Variants in TRPM1 observed in about 807,000 individuals in gnomAD.
TRPM1 encodes the protein transient receptor potential cation channel subfamily M member 1.
Under a neutral mutation model 149.4 loss-of-function variants are expected in TRPM1, and 113 were observed. The observed-to-expected ratio is 0.76, with a 90% confidence interval of 0.65 to 0.88. TRPM1 has a LOEUF of 0.88. Among genes scored for constraint, TRPM1 ranks in the 40% least tolerant of loss-of-function variants. TRPM1 has a pLI of 0.00. For synonymous variants in TRPM1, 741 were observed against 759.5 expected (o/e 0.98, Z 0.40); for missense variants, 1,976 against 2,038.7 (o/e 0.97, Z 0.59).
chr15:31,035,876 G>GC (rs2033345485), intron 20 of TRPM1: 7 of 672,904 alleles, frequency 1.0e-5, no homozygotes, highest in Middle Eastern at 3.4e-4. Flanking sequence ...TTATACTTCA[G>GC]CACGATATGG....
chr15:31,068,932 T>C (rs1350916065), intron 4 of TRPM1, among the ~76,000 whole-genome samples: 1 of 152,112 alleles, frequency 6.6e-6, no homozygotes, highest in East Asian at 1.9e-4. Context: ...TTTCTGTTGT[T>C]TATAAATTCC....
intron 1 of TRPM1, among the ~76,000 whole-genome samples, chr15:31,101,018 G>A (rs1156922612): frequency 6.6e-6 from 1 of 152,218 alleles, no homozygotes; most frequent in Non-Finnish European, 1.5e-5. Flanking sequence ...AGAGGGAGCA[G>A]TAATCTCCCC....
intron 1 of TRPM1, among the ~76,000 whole-genome samples, chr15:31,090,933 T>C (rs1243192830): frequency 6.6e-6 from 1 of 152,204 alleles, no homozygotes; most frequent in Admixed American, 6.5e-5. Context: ...ATGAGGCTGA[T>C]TTCTCATGGT....
At chr15:31,103,019 G>A (rs146180061), upstream of TRPM1, among the ~76,000 whole-genome samples, 4 of 152,312 alleles carry the variant, frequency 2.6e-5, no homozygotes, top group South Asian at 2.1e-4. Context: ...AGGGCAATCC[G>A]GGGCATCTGA....
intron 1 of TRPM1, among the ~76,000 whole-genome samples, chr15:31,148,422 G>C (rs572648327): frequency 1.3e-5 from 2 of 152,320 alleles, no homozygotes; most frequent in Non-Finnish European, 2.9e-5. Context: ...GTGTAGGAGA[G>C]AACGCTCCAT....
intron 1 of TRPM1, among the ~76,000 whole-genome samples, chr15:31,109,886 A>G (rs892684813): frequency 1.3e-5 from 2 of 152,116 alleles, no homozygotes; most frequent in African/African-American, 2.4e-5. Flanking sequence ...ATGGGCAAAG[A>G]AAGAGGACAA....
At chr15:31,006,558 A>G (rs553337679) in intron 27 of TRPM1, among the ~76,000 whole-genome samples, 163 of 152,348 alleles carry the variant, frequency 1.1e-3, no homozygotes, top group African/African-American at 3.5e-3. Context: ...CAAGTATGAA[A>G]AGAGCTGCTA....
At chr15:31,106,485 A>C (rs2035608853), upstream of TRPM1, among the ~76,000 whole-genome samples, 1 of 152,164 alleles carries the variant, frequency 6.6e-6, no homozygotes, top group Non-Finnish European at 1.5e-5. Context: ...TTCACTTTTT[A>C]AGTATAAATA....
intron 1 of TRPM1, among the ~76,000 whole-genome samples, chr15:31,084,650 TTC>T (rs2034948396): frequency 6.6e-6 from 1 of 151,520 alleles, no homozygotes; most frequent in Non-Finnish European, 1.5e-5. Context: ...AAGACATTTT[TTC>T]TCTCTTTCTT....
chr15:31,058,721 G>A (rs1365292082), intron 11 of TRPM1, among the ~76,000 whole-genome samples: 2 of 152,216 alleles, frequency 1.3e-5, no homozygotes. Context: ...CAAAATGGGA[G>A]TCTGAAGCGG....
chr15:31,108,863 A>G (rs956741448), intron 1 of TRPM1, among the ~76,000 whole-genome samples: 1 of 152,182 alleles, frequency 6.6e-6, no homozygotes, highest in Admixed American at 6.5e-5. Context: ...AATGAAGTGG[A>G]AAGTATTTTT....
intron 1 of TRPM1, among the ~76,000 whole-genome samples, chr15:31,088,803 G>C (rs1421364327): frequency 7.7e-6 from 1 of 129,126 alleles, no homozygotes; most frequent in Non-Finnish European, 1.5e-5. Context: ...TCTTTCTGCT[G>C]GGGGGATGCG....
Position 31,081,453 on chromosome 15 carries a change from A to C in TRPM1, c.-83-15T>G. 6.7e-7 allele frequency: 1 copy of C among 1,486,426 alleles called. No individual in the cohort carries two copies. The highest frequency in any genetic ancestry group is 9.0e-7 in the Non-Finnish European group (1 of 1,107,158). The allele number at this position is 1,486,426 out of a possible 1,614,324, so 92.1% of individuals were successfully genotyped here. A position where few individuals can be genotyped will look rare whatever the true frequency, so the allele number is the denominator to read the frequency against. ...TCTTCTAGAACCTACGAGGATAAAC[A>C]AGAGGAGTAAGAGTCACTTTGCCTG... On this transcript the variant is annotated splice_polypyrimidine_tract_variant and intron_variant, in intron 1 of 27. Coordinates refer to ENST00000256552, the MANE Select transcript of TRPM1 (RefSeq NM_001252024.2).
In TRPM1 at chr15:31,035,635, T is replaced by C; in HGVS notation, c.2611A>G (p.Ile871Val). The C allele has an allele frequency of 3.1e-6, 5 of 1,614,186 alleles. No homozygotes were observed. Among genetic ancestry groups the C allele is most frequent in the Non-Finnish European group, 4.2e-6 (5 of 1,180,040 alleles). ...LGYLLLFNYVILVRMDGWPSL... is the reference protein window; with the variant it reads ...LGYLLLFNYVVLVRMDGWPSL... ...GGCCAGCCATCCATCCGCACCAGGA[T>C]GACGTAGTTAAACAGCAGCAGGTAG... The change falls in exon 21 of 28, where the codon ATC (isoleucine) becomes GTC (valine). Residue 871 changes from isoleucine to valine, a missense_variant. Coordinates refer to ENST00000256552, the MANE Select transcript of TRPM1 (RefSeq NM_001252024.2).
At chr15:31,047,491 C>T (rs985381742) in intron 14 of TRPM1, among the ~76,000 whole-genome samples, 8 of 152,220 alleles carry the variant, frequency 5.3e-5, no homozygotes, top group African/African-American at 1.4e-4. Flanking sequence ...CTTGAGGAAC[C>T]TCCTGCCGGT....
Position 31,050,595 on chromosome 15 carries a change from G to A in TRPM1, c.1264-13C>T. 6.2e-7 allele frequency: 1 copy of A among 1,614,004 alleles called. No individual in the cohort carries two copies. Among genetic ancestry groups the A allele is most frequent in the Non-Finnish European group, 8.5e-7 (1 of 1,179,996 alleles). On this transcript the variant is annotated splice_polypyrimidine_tract_variant and intron_variant, in intron 11 of 27. Coordinates refer to ENST00000256552, the MANE Select transcript of TRPM1 (RefSeq NM_001252024.2). ...GGCTTCCCAGGGGCTGCAGTCCACAGCAATCAGAGTTGGGAAATGGTACTA... is the reference window on the plus strand; with the variant it reads ...GGCTTCCCAGGGGCTGCAGTCCACAACAATCAGAGTTGGGAAATGGTACTA...
chr15:31,159,161 G>A (rs138080313), intron 1 of TRPM1, among the ~76,000 whole-genome samples: 16 of 152,246 alleles, frequency 1.1e-4, no homozygotes, highest in South Asian at 2.1e-4. Context: ...ATGGCTGTGC[G>A]TGTGCGGGTA....
chr15:31,089,139 G>A (rs1054233304), intron 1 of TRPM1, among the ~76,000 whole-genome samples: 2 of 152,218 alleles, frequency 1.3e-5, no homozygotes, highest in African/African-American at 4.8e-5. Context: ...GGAAACTGAA[G>A]ACAGGCTGCT....
At chr15:31,055,872 A>G (rs896696680) in intron 11 of TRPM1, among the ~76,000 whole-genome samples, 1 of 152,236 alleles carries the variant, frequency 6.6e-6, no homozygotes, top group Admixed American at 6.5e-5. Context: ...AATCAACAGC[A>G]TAACAGAAAA....
Sources: gnomAD v4.1 joint callset for allele counts (sites outside exome capture counted in the v4.1 genomes callset) on GRCh38, gnomAD v4.1.1 for gene constraint, MANE v1.5 for transcripts, NCBI Gene and HGNC (gene_info 2026-07-23, HGNC 2026-07-21) for gene names.